Variants in STX3 observed in about 807,000 individuals in gnomAD.
STX3 encodes syntaxin-3.
STX3 carries 19 observed loss-of-function variants against 40.2 expected under a neutral mutation model. That is an observed-to-expected ratio of 0.47 (90% CI 0.33 to 0.69). The LOEUF is 0.69. STX3 is among the 30% of genes least tolerant of loss of function. The pLI is 0.02. For missense variants in STX3, 364 were observed against 366.7 expected (o/e 0.99, Z 0.06); for synonymous variants, 122 against 132.2 (o/e 0.92, Z 0.53).
chr11:59,770,082 T>TG (rs1863510809), intron 1 of STX3, among the ~76,000 whole-genome samples: 1 of 147,844 alleles, frequency 6.8e-6, no homozygotes, highest in South Asian at 2.2e-4. Context: ...GAGTGGGTGT[T>TG]GGGTGTTTGT....
At chr11:59,781,088 T>C (rs1157796984) in intron 2 of STX3, among the ~76,000 whole-genome samples, 17 of 145,196 alleles carry the variant, frequency 1.2e-4, no homozygotes, top group Non-Finnish European at 2.5e-4. Context: ...TTGTTTTCTT[T>C]TTTTTTTTTT....
In STX3 at chr11:59,801,015, T is replaced by C; in HGVS notation, c.*191T>C. The C allele has an allele frequency of 6.6e-7, 1 of 1,512,190 alleles. No homozygotes were observed. Among genetic ancestry groups the C allele is most frequent in the Non-Finnish European group, 8.8e-7 (1 of 1,133,716 alleles). The allele number at this position is 1,512,190 out of a possible 1,614,324, so 93.7% of individuals were successfully genotyped here. Reference sequence around the variant, plus strand: ...AATCTAGCCCTGGGGGAATGTGATCTACCTGATGCGACCCTGAGTTCTCCC... The same window carrying C: ...AATCTAGCCCTGGGGGAATGTGATCCACCTGATGCGACCCTGAGTTCTCCC... On this transcript the variant is annotated 3_prime_UTR_variant, in exon 11 of 11. Transcript: ENST00000337979.
intron 2 of STX3, among the ~76,000 whole-genome samples, chr11:59,785,669 G>A (rs901862610): frequency 6.6e-6 from 1 of 152,134 alleles, no homozygotes; most frequent in Admixed American, 6.6e-5. Context: ...CTATAATCAG[G>A]TTTTGAAAAA....
rs539143239 is a variant in STX3 at position 59,792,192 on chromosome 11, G to A, written c.443G>A (p.Arg148Gln). 22 of 1,613,954 alleles carry A rather than the reference G, an allele frequency of 1.4e-5. No individual in the cohort carries two copies. The highest frequency in any genetic ancestry group is 1.7e-5 in the Admixed American group (1 of 60,006). ...QVDFRERSKG[R>Q]IQRQLEITGK... ...GACTTCCGAGAACGCAGCAAAGGGC[G>A]AATCCAGCGGCAGCTCGAAATTAGT... Residue 148 changes from arginine to glutamine, a missense_variant, in exon 6 of 11, where the codon CGA becomes CAA. Coordinates refer to ENST00000337979, the MANE Select transcript of STX3 (RefSeq NM_004177.5).
At chr11:59,799,691 C>A in intron 10 of STX3, 1 of 985,370 alleles carries the variant, frequency 1.0e-6, no homozygotes, top group Non-Finnish European at 1.2e-6. Context: ...TCTTCTTATT[C>A]CTCCTCCTTC....
chr11:59,793,229 C>T lies in STX3; in HGVS notation c.540+57C>T, dbSNP rs1393001336. 5.0e-6 allele frequency: 8 copies of T among 1,608,164 alleles called. No homozygotes were observed. In the East Asian group the frequency reaches 6.7e-5, roughly 13 times the overall value. ...CCTCTCGTGAGCAGGGAGGCCACTG[C>T]GGAGCTCATGCAGTCCAGCAGGTGG... is the stretch of plus-strand genomic sequence containing the variant. On this transcript the variant is annotated intron_variant, in intron 7 of 10. Transcript: ENST00000337979.
At chr11:59,777,403 G>C (rs1455908428) in intron 2 of STX3, among the ~76,000 whole-genome samples, 1 of 152,182 alleles carries the variant, frequency 6.6e-6, no homozygotes, top group Admixed American at 6.5e-5. Flanking sequence ...AACCTTCGAG[G>C]ATTTAAACAA....
chr11:59,782,087 C>CTAG (rs1429040928), intron 2 of STX3, among the ~76,000 whole-genome samples: 3 of 152,204 alleles, frequency 2.0e-5, no homozygotes, highest in Non-Finnish European at 4.4e-5. Context: ...GTTCCACAAA[C>CTAG]TAGTACTTTC....
intron 2 of STX3, among the ~76,000 whole-genome samples, chr11:59,783,452 T>C (rs752430935): frequency 6.2e-4 from 95 of 152,248 alleles, no homozygotes; most frequent in Non-Finnish European, 1.5e-4. Context: ...ATGATGATGG[T>C]AGCCTCATAG....
In STX3 at chr11:59,771,630, C is replaced by A. The variant is rs547655662; in HGVS notation, c.31-1581C>A. Among the ~76,000 whole-genome samples the A allele has an allele frequency of 3.3e-5, 5 of 152,170 alleles. 1 individual carries two copies. In the South Asian group the frequency reaches 1.0e-3, roughly 32 times the overall value. ...AAATGTTTGTCAGTTGGACCAATGC[C>A]TTTCAGCAGAACTCCCTGTGTGATA... On this transcript the variant is annotated intron_variant, in intron 1 of 10. Coordinates refer to ENST00000337979, the MANE Select transcript of STX3 (RefSeq NM_004177.5).
rs1481271229 is a variant in STX3, at chr11:59,804,870, T to A, written c.*4046T>A. On this transcript the variant is annotated 3_prime_UTR_variant, in exon 11 of 11. Transcript: ENST00000337979. ...TCACCTCTCACCTGATTTGTGTTGC[T>A]AGCTGAAACTGCTGGCCAGTAACGT... is the stretch of plus-strand genomic sequence containing the variant. 1.3e-5 allele frequency: 2 copies of A among 152,242 alleles called. No individual in the cohort carries two copies. Among genetic ancestry groups the A allele is most frequent in the African/African-American group, 2.4e-5 (1 of 41,456 alleles). 9.4% of individuals were successfully genotyped at this position (152,242 alleles called of 1,614,324 possible).
At position 59,800,942 on chromosome 11, in the gene STX3, C is replaced by CCGTT. The variant is rs1230503983; in HGVS notation, c.*120_*123dup. The CCGTT allele has an allele frequency of 6.5e-6, 10 of 1,536,118 alleles. No homozygotes were observed. The Admixed American group carries it at 2.0e-4, about 30-fold the overall frequency. ...TGGCCTTCCTGAGAGCGAGTGCGAC[C>CCGTT]CGTTCCTTTGTTTCCTTGCAACCAC... On this transcript the variant is annotated 3_prime_UTR_variant, in exon 11 of 11. Coordinates refer to ENST00000337979, the MANE Select transcript of STX3 (RefSeq NM_004177.5).
intron 10 of STX3, among the ~76,000 whole-genome samples, chr11:59,799,246 C>A (rs1865728626): frequency 1.3e-5 from 2 of 151,934 alleles, no homozygotes; most frequent in Non-Finnish European, 2.9e-5. Context: ...TAAAAAAAAA[C>A]CTATAAAATA....
intron 8 of STX3, 152 bp downstream of exon 8, chr11:59,793,666 A>G (rs1865339543): frequency 5.3e-6 from 6 of 1,133,466 alleles, no homozygotes; most frequent in Non-Finnish European, 7.3e-6. Context: ...CCCATGGGAA[A>G]GTGTGCATTC....
chr11:59,787,131 A>G lies in STX3; in HGVS notation c.209A>G (p.Glu70Gly). The change falls in exon 3 of 11, where the codon GAG becomes GGG. Residue 70 changes from glutamate (E) to glycine (G), a missense_variant. Transcript: ENST00000337979. ...YSIILSAPIP[E>G]PKTKDDLEQL... ...ATCATTCTCTCTGCACCGATTCCAG[A>G]GCCAAGTGAGTGTTTACTTAGAACT... The G allele has an allele frequency of 6.2e-7, 1 of 1,613,830 alleles. No individual in the cohort carries two copies. Among genetic ancestry groups the G allele is most frequent in the Non-Finnish European group, 8.5e-7 (1 of 1,179,746 alleles).
Position 59,787,811 on chromosome 11 carries a change from C to T in STX3, c.214+675C>T, listed in dbSNP as rs180873026. Among the ~76,000 whole-genome samples, 166 of 152,302 alleles carry T rather than the reference C, an allele frequency of 1.1e-3. 2 individuals carry two copies. Among genetic ancestry groups the T allele is most frequent in the East Asian group, 3.9e-3 (20 of 5,186 alleles). ...TAAGCAAAAAAATCCGTGCGTTCCA[C>T]GGTTTGGACACGGGTGGTTTAGGGC... On this transcript the variant is annotated intron_variant, in intron 3 of 10. Coordinates refer to ENST00000337979, the MANE Select transcript of STX3 (RefSeq NM_004177.5).
chr11:59,788,994 C>G, intron 4 of STX3, 47 bp downstream of exon 4: 1 of 1,527,038 alleles, frequency 6.5e-7, no homozygotes, highest in South Asian at 1.2e-5. Flanking sequence ...CACCATCTAT[C>G]TCAGCTCCCC....
intron 2 of STX3, among the ~76,000 whole-genome samples, chr11:59,783,347 G>A (rs970645225): frequency 6.6e-6 from 1 of 152,204 alleles, no homozygotes; most frequent in African/African-American, 2.4e-5. Flanking sequence ...GTATTCCTGA[G>A]TTCAAACCTC....
chr11:59,765,586 A>C (rs60009036), intron 1 of STX3, among the ~76,000 whole-genome samples: 15,800 of 152,126 alleles, frequency 0.1, 1,150 homozygotes, highest in African/African-American at 0.2. Context: ...GGTGGATCAC[A>C]CAAGGTCAGG....
Sources: gnomAD v4.1 joint callset for allele counts (sites outside exome capture counted in the v4.1 genomes callset) on GRCh38, gnomAD v4.1.1 for gene constraint, MANE v1.5 for transcripts, NCBI Gene and HGNC (gene_info 2026-07-23, HGNC 2026-07-21) for gene names.